Variants in RELN observed in about 807,000 individuals in gnomAD.
RELN encodes the protein reelin.
In RELN, 108 loss-of-function variants were observed where a neutral mutation model predicts 427.6. That is an observed-to-expected ratio of 0.25 (90% CI 0.22 to 0.30). RELN has a LOEUF of 0.30. Among genes scored for constraint, RELN ranks in the 10% least tolerant of loss-of-function variants. The pLI is 1.00. For synonymous variants in RELN, 1,524 were observed against 1,513.4 expected, an observed-to-expected ratio of 1.01 and a Z score of -0.16; for missense variants, 3,715 against 4,302.8, an observed-to-expected ratio of 0.86 and a Z score of 3.82.
intron 2 of RELN, among the ~76,000 whole-genome samples, chr7:103,862,816 T>G (rs1794103775): frequency 6.6e-6 from 1 of 152,062 alleles, no homozygotes. Context: ...CAGGAGCAGA[T>G]GGTCTAAAGG....
chr7:103,545,296 C>T lies in RELN; in HGVS notation c.6351G>A (p.Gln2117=), dbSNP rs752431895. Residue 2117 remains glutamine (Q), a synonymous_variant, in exon 42 of 65, where the codon CAG becomes CAA. Coordinates refer to ENST00000428762, the MANE Select transcript of RELN (RefSeq NM_005045.4). ...WYQGFYPAGS[Q]PVTWAIDNVY... ...CATTATCAATGGCCCATGTCACTGG[C>T]TGAGAGCCGGCAGGGTAAAATCCCT... 1.8e-5 allele frequency: 29 copies of T among 1,614,044 alleles called. No homozygotes were observed. Among genetic ancestry groups the T allele is most frequent in the Non-Finnish European group, 2.5e-5 (29 of 1,180,016 alleles).
chr7:103,872,082 C>G (rs1276082771), intron 2 of RELN, among the ~76,000 whole-genome samples: 1 of 112,898 alleles, frequency 8.9e-6, no homozygotes, highest in African/African-American at 3.2e-5. Flanking sequence ...TTTTATTATA[C>G]TTTAAGTTTT....
At chr7:103,619,843 G>C (rs1468774915) in intron 20 of RELN, among the ~76,000 whole-genome samples, 1 of 152,028 alleles carries the variant, frequency 6.6e-6, no homozygotes, top group Non-Finnish European at 1.5e-5. Flanking sequence ...CCCATCTTTT[G>C]TCAGGAAAGT....
chr7:103,865,082 C>T (rs1455710791), intron 2 of RELN, among the ~76,000 whole-genome samples: 3 of 139,834 alleles, frequency 2.1e-5, no homozygotes, highest in South Asian at 2.2e-4. Context: ...GGCAATGAGC[C>T]GAGGTCATGC....
At chr7:103,719,433 A>T (rs1026560824) in intron 8 of RELN, among the ~76,000 whole-genome samples, 1 of 152,192 alleles carries the variant, frequency 6.6e-6, no homozygotes, top group African/African-American at 2.4e-5. Flanking sequence ...CCCTGTTTAC[A>T]ACAATGCCGT....
chr7:103,534,533 G>A (rs537251762), intron 46 of RELN, among the ~76,000 whole-genome samples: 133 of 151,958 alleles, frequency 8.8e-4, no homozygotes, highest in African/African-American at 3.1e-3. Context: ...TGACACCCAA[G>A]CTGGAGTGCA....
intron 1 of RELN, among the ~76,000 whole-genome samples, chr7:103,957,201 G>C (rs1463867290): frequency 1.3e-5 from 1 of 77,006 alleles, no homozygotes; most frequent in African/African-American, 9.3e-5. Flanking sequence ...ACTAACATCT[G>C]TCTCAAGTGA....
At position 103,472,189 on chromosome 7, in the gene RELN, C is replaced by T. The variant is rs996940958; in HGVS notation, c.*623G>A. 1 of 152,956 alleles carries T rather than the reference C, an allele frequency of 6.5e-6. No homozygotes were observed. The highest frequency in any genetic ancestry group is 6.5e-5 in the Admixed American group (1 of 15,342). 9.5% of individuals were successfully genotyped at this position (152,956 alleles called of 1,614,324 possible). On this transcript the variant is annotated 3_prime_UTR_variant, in exon 65 of 65. Transcript: ENST00000428762. Reference sequence around the variant, plus strand: ...TCTTATCCACAAAACAACGCTAAACCAACATACATTTTTAAGGAGTATATT... The same window carrying T: ...TCTTATCCACAAAACAACGCTAAACTAACATACATTTTTAAGGAGTATATT...
intron 3 of RELN, among the ~76,000 whole-genome samples, chr7:103,812,355 T>C (rs552931818): frequency 1.3e-5 from 2 of 152,338 alleles, no homozygotes; most frequent in South Asian, 2.1e-4. Flanking sequence ...CATATTGGGC[T>C]GTCCTGCCCC....
At chr7:103,724,172 CTT>C (rs35191248) in intron 7 of RELN, among the ~76,000 whole-genome samples, 1 of 149,236 alleles carries the variant, frequency 6.7e-6, no homozygotes, top group South Asian at 2.1e-4. Context: ...ACTTTTGCTG[CTT>C]TTTTTTTTCG....
intron 17 of RELN, among the ~76,000 whole-genome samples, chr7:103,636,999 G>A (rs990349451): frequency 6.6e-6 from 1 of 152,142 alleles, no homozygotes; most frequent in African/African-American, 2.4e-5. Context: ...GACCTAGATA[G>A]ATGTCCTTAG....
At chr7:103,917,382 G>T (rs1795508859) in intron 1 of RELN, among the ~76,000 whole-genome samples, 197 bp from the exon 2 acceptor site, 1 of 152,000 alleles carries the variant, frequency 6.6e-6, no homozygotes, top group Non-Finnish European at 1.5e-5. Flanking sequence ...ACAATTGCTG[G>T]TCCTAAATTT....
intron 8 of RELN, among the ~76,000 whole-genome samples, chr7:103,705,927 G>A (rs1409181099): frequency 6.6e-6 from 1 of 152,178 alleles, no homozygotes; most frequent in Non-Finnish European, 1.5e-5. Flanking sequence ...CTTTAGCTAT[G>A]ATTGAATATT....
chr7:103,529,166 T>C (rs1432690447), intron 46 of RELN, among the ~76,000 whole-genome samples: 2 of 151,894 alleles, frequency 1.3e-5, no homozygotes, highest in African/African-American at 4.8e-5. Flanking sequence ...TAAATTTGTT[T>C]ACCTGAAAGT....
intron 6 of RELN, among the ~76,000 whole-genome samples, chr7:103,729,191 G>T (rs549116381): frequency 1.7e-4 from 26 of 152,268 alleles, no homozygotes; most frequent in African/African-American, 6.0e-4. Flanking sequence ...CATGCAGAAA[G>T]AACATTTTCA....
intron 4 of RELN, among the ~76,000 whole-genome samples, chr7:103,762,160 G>A (rs538073149): frequency 6.6e-6 from 1 of 152,292 alleles, no homozygotes; most frequent in East Asian, 1.9e-4. Flanking sequence ...GCTGGGTGAT[G>A]TCCTAAAGGA....
In RELN at chr7:103,826,319, AATGTGTGTGTGTGTGTGTGT is replaced by A. The variant is rs1272551237; in HGVS notation, c.473+7198_473+7217del. Among the ~76,000 whole-genome samples, 4 of 137,576 alleles carry A rather than the reference AATGTGTGTGTGTGTGTGTGT, an allele frequency of 2.9e-5. No individual in the cohort carries two copies. The East Asian group carries it at 6.6e-4, about 23-fold the overall frequency. 90.3% of individuals were successfully genotyped at this position (137,576 alleles called of 152,430 possible). A position where few individuals can be genotyped will look rare whatever the true frequency, so the allele number is the denominator to read the frequency against. The stretch of plus-strand genomic sequence containing the variant: ...ACAGAAGCACAAAACAGACTAAGAC[AATGTGTGTGTGTGTGTGTGT>A]GTGTGTGTGTGTGTGTGTGTATACA... On this transcript the variant is annotated intron_variant, in intron 3 of 64. Coordinates refer to ENST00000428762, the MANE Select transcript of RELN (RefSeq NM_005045.4).
At chr7:103,896,768 A>G (rs1794970312) in intron 2 of RELN, among the ~76,000 whole-genome samples, 1 of 152,094 alleles carries the variant, frequency 6.6e-6, no homozygotes. Context: ...TATTTGCTGT[A>G]AAATTTTTTC....
chr7:103,644,891 T>C (rs920836950), intron 16 of RELN, among the ~76,000 whole-genome samples: 1 of 151,728 alleles, frequency 6.6e-6, no homozygotes, highest in African/African-American at 2.4e-5. Context: ...AAATATCTAA[T>C]TATCTGTAAA....
Sources: allele counts gnomAD v4.1 joint callset (sites outside exome capture counted in the v4.1 genomes callset), GRCh38; gene constraint gnomAD v4.1.1; transcripts MANE v1.5; gene names NCBI Gene and HGNC (gene_info 2026-07-23, HGNC 2026-07-21).